The following TSBP1 variants were observed in gnomAD, a reference collection of about 807,000 sequenced individuals.
The protein encoded by TSBP1 is testis expressed basic protein 1.
Under a neutral mutation model 68.8 loss-of-function variants are expected in TSBP1, and 56 were observed. The observed-to-expected ratio is 0.81, with a 90% confidence interval of 0.66 to 1.02. TSBP1 has a LOEUF of 1.02. Ranked by LOEUF, TSBP1 falls within the 50% of genes least tolerant of loss-of-function variation. TSBP1 has a pLI of 0.00. For synonymous variants in TSBP1, 171 were observed against 208.7 expected (o/e 0.82, Z 1.56); for missense variants, 502 against 641.2 (o/e 0.78, Z 2.34).
At chr6:32,331,235 T>A (rs1003159393) in intron 15 of TSBP1, among the ~76,000 whole-genome samples, 2 of 152,216 alleles carry the variant, frequency 1.3e-5, no homozygotes, top group Non-Finnish European at 2.9e-5. Context: ...CTCAGATCAC[T>A]CTGTTTCACT....
intron 18 of TSBP1, among the ~76,000 whole-genome samples, chr6:32,320,427 G>A (rs1020120977): frequency 6.6e-6 from 1 of 152,072 alleles, no homozygotes; most frequent in Admixed American, 6.6e-5. Flanking sequence ...TTTACTCAGA[G>A]GGGCCTAATT....
In TSBP1 at chr6:32,304,002, A is replaced by G. The variant is rs1446325713; in HGVS notation, c.581-1373T>C. ...AGTGTATTATTTCCATAGTCTTCCC[A>G]GCATATTTTCCCAGCATTATTTCCT... is the stretch of plus-strand genomic sequence containing the variant. On this transcript the variant is annotated intron_variant, in intron 19 of 22. Coordinates refer to ENST00000612031, the Ensembl canonical transcript of TSBP1. This position sits in a 1 kb window ranked among gnomAD's most constrained non-coding sequence, Gnocchi z 4.8. Among the ~76,000 whole-genome samples the G allele has an allele frequency of 1.3e-5, 2 of 152,146 alleles. No homozygotes were observed. The highest frequency in any genetic ancestry group is 2.4e-5 in the African/African-American group (1 of 41,428).
chr6:32,370,102 C>T (rs1742357882), intron 1 of TSBP1, 119 bp from the exon 2 acceptor site: 1 of 685,742 alleles, frequency 1.5e-6, no homozygotes, highest in African/African-American at 1.8e-5. Flanking sequence ...CTTTCTGCTA[C>T]TTCAACTCCT....
Position 32,361,889 on chromosome 6 carries a change from G to C in TSBP1, c.217+4278C>G, listed in dbSNP as rs1002768129. On this transcript the variant is annotated intron_variant, in intron 6 of 22. Transcript: ENST00000612031. The surrounding 1 kb of genome is among the most constrained non-coding windows in gnomAD (Gnocchi z 4.3). ...ATCCTCAATGTGACAGCATTGAGAA[G>C]TGAGGCCTTAAAGAGGTGATTATAT... Among the ~76,000 whole-genome samples the C allele has an allele frequency of 6.6e-6, 1 of 152,128 alleles. No homozygotes were observed. Among genetic ancestry groups the C allele is most frequent in the African/African-American group, 2.4e-5 (1 of 41,418 alleles).
At chr6:32,308,957 C>CCTTTTTTTTTTTT (rs1562075680) in intron 19 of TSBP1, among the ~76,000 whole-genome samples, 1 of 122,050 alleles carries the variant, frequency 8.2e-6, no homozygotes. Flanking sequence ...TTTCTTCCTG[C>CCTTTTTTTTTTTT]TTTTTTTTTT....
At chr6:32,364,792 TCATGTTTC>T (rs1773473988) in intron 6 of TSBP1, among the ~76,000 whole-genome samples, 2 of 152,202 alleles carry the variant, frequency 1.3e-5, no homozygotes, top group South Asian at 4.1e-4. Flanking sequence ...TTTAGTGGTG[TCATGTTTC>T]CTTGATTTTT....
In TSBP1 at chr6:32,370,407, G is replaced by GTGTGTGTGTGTATATATATA. The variant is rs1241237254; in HGVS notation, c.14-425_14-424insTATATATATACACACACACA. ...TACCTTTAAAGTTGCAAGATTTTCTGTATATATATATATATATATATATAT... is the reference window on the plus strand; with the variant it reads ...TACCTTTAAAGTTGCAAGATTTTCTGTGTGTGTGTGTATATATATATATATATATATATATATATATATAT... On this transcript the variant is annotated intron_variant, in intron 1 of 22. Coordinates refer to ENST00000612031, the Ensembl canonical transcript of TSBP1. Among the ~76,000 whole-genome samples the GTGTGTGTGTGTATATATATA allele has an allele frequency of 1.7e-4, 22 of 130,706 alleles. 1 individual carries two copies. Among genetic ancestry groups the GTGTGTGTGTGTATATATATA allele is most frequent in the Non-Finnish European group, 3.3e-4 (20 of 61,026 alleles). The allele number at this position is 130,706 out of a possible 152,430, so 85.7% of individuals were successfully genotyped here.
intron 4 of TSBP1, among the ~76,000 whole-genome samples, chr6:32,367,656 G>A (rs2073048): frequency 0.15 from 23,350 of 151,924 alleles, 2,189 homozygotes; most frequent in East Asian, 0.29. Context: ...AAATTGTTTC[G>A]GAGCGGTTCC....
intron 4 of TSBP1, among the ~76,000 whole-genome samples, chr6:32,367,077 GT>G (rs1773828342): frequency 6.7e-6 from 1 of 148,430 alleles, no homozygotes; most frequent in African/African-American, 2.5e-5. Context: ...GTGTGTGTGT[GT>G]AATTATTTCC....
Position 32,340,912 on chromosome 6 carries a change from C to T in TSBP1, c.350-1274G>A, listed in dbSNP as rs10456067. Among the ~76,000 whole-genome samples the T allele has an allele frequency of 0.023, 3,532 of 152,168 alleles. 75 individuals carry two copies. The highest frequency in any genetic ancestry group is 0.096 in the South Asian group (461 of 4,824). ...CTGGGTTGAAGTCATTCTTGTGCCT[C>T]AGCCTCCTGAGTAGCTGGGATTACA... On this transcript the variant is annotated intron_variant, in intron 9 of 22. Coordinates refer to ENST00000612031, the Ensembl canonical transcript of TSBP1. This position sits in a 1 kb window ranked among gnomAD's most constrained non-coding sequence, Gnocchi z 4.8.
rs1395432404 is a variant in TSBP1, at chr6:32,336,469, T to A, written c.430+146A>T. The A allele has an allele frequency of 7.6e-6, 5 of 661,250 alleles. No homozygotes were observed. Among genetic ancestry groups the A allele is most frequent in the Non-Finnish European group, 1.3e-5 (5 of 377,274 alleles). 41.0% of individuals were successfully genotyped at this position (661,250 alleles called of 1,614,324 possible). ...CCCTAAACCTCAGCATCACACAATA[T>A]ACCCATTAGCAAACCTGCATATGCA... On this transcript the variant is annotated intron_variant, in intron 12 of 22. Transcript: ENST00000612031. This position sits in a 1 kb window ranked among gnomAD's most constrained non-coding sequence, Gnocchi z 5.2.
At chr6:32,320,425 G>A (rs1014138140) in intron 18 of TSBP1, among the ~76,000 whole-genome samples, 3 of 152,062 alleles carry the variant, frequency 2.0e-5, no homozygotes, top group Non-Finnish European at 4.4e-5. Flanking sequence ...GCTTTACTCA[G>A]AGGGGCCTAA....
At chr6:32,341,956 A>G (rs1020871420) in intron 9 of TSBP1, among the ~76,000 whole-genome samples, 3 of 152,100 alleles carry the variant, frequency 2.0e-5, no homozygotes, top group African/African-American at 7.2e-5. Context: ...AACCCTGTCC[A>G]GTCAGGATTA....
chr6:32,351,437 A>G (rs560014871), intron 8 of TSBP1, among the ~76,000 whole-genome samples: 7 of 152,260 alleles, frequency 4.6e-5, no homozygotes, highest in African/African-American at 1.7e-4. Context: ...CATAAGTAAG[A>G]AATAAAATTC....
chr6:32,301,959 A>AATC (rs201248872), intron 20 of TSBP1, among the ~76,000 whole-genome samples: 1 of 73,778 alleles, frequency 1.4e-5, no homozygotes, highest in South Asian at 5.3e-4. Context: ...AAATAGTTGA[A>AATC]ATCATCATCA....
Position 32,315,800 on chromosome 6 carries a change from A to G in TSBP1, c.560-8T>C, listed in dbSNP as rs1338835369. ...CAGTTCTCTGCGAAATTACTAAAAA[A>G]TAAGCAAAAAGAAATCCATTTAATT... is the stretch of plus-strand genomic sequence containing the variant. On this transcript the variant is annotated splice_polypyrimidine_tract_variant and splice_region_variant and intron_variant, in intron 18 of 22. Transcript: ENST00000612031. This position sits in a 1 kb window ranked among gnomAD's most constrained non-coding sequence, Gnocchi z 5.4. The G allele has an allele frequency of 6.7e-7, 1 of 1,493,104 alleles. No individual in the cohort carries two copies. Among genetic ancestry groups the G allele is most frequent in the South Asian group, 1.2e-5 (1 of 82,132 alleles). The allele number at this position is 1,493,104 out of a possible 1,614,324, so 92.5% of individuals were successfully genotyped here. A position where few individuals can be genotyped will look rare whatever the true frequency, so the allele number is the denominator to read the frequency against.
intron 18 of TSBP1, among the ~76,000 whole-genome samples, chr6:32,318,133 A>G (rs1767175211): frequency 6.6e-6 from 1 of 152,230 alleles, no homozygotes; most frequent in Non-Finnish European, 1.5e-5. Flanking sequence ...AAGGAACAAG[A>G]TCATGTCCTT....
chr6:32,370,636 A>G (rs1774303405), intron 1 of TSBP1, among the ~76,000 whole-genome samples: 1 of 151,790 alleles, frequency 6.6e-6, no homozygotes, highest in South Asian at 2.1e-4. Flanking sequence ...TCACTTGCCA[A>G]CCTCCTGATG....
intron 2 of TSBP1, among the ~76,000 whole-genome samples, chr6:32,369,172 C>T (rs1158950566): frequency 2.6e-5 from 4 of 152,018 alleles, no homozygotes; most frequent in Non-Finnish European, 5.9e-5. Context: ...ACAAGTACTA[C>T]TCTGTATTTG....
Sources: gnomAD v4.1 joint callset for allele counts (sites outside exome capture counted in the v4.1 genomes callset) on GRCh38, gnomAD v4.1.1 for gene constraint, Gnocchi (gnomAD v3.1) non-coding constraint, MANE v1.5 for transcripts, NCBI Gene and HGNC (gene_info 2026-07-23, HGNC 2026-07-21) for gene names.